The following PSD3 variants were observed in gnomAD, a reference collection of about 807,000 sequenced individuals.
PSD3 encodes PH and SEC7 domain-containing protein 3.
A neutral mutation model predicts 105.5 loss-of-function variants in PSD3; 49 were observed. The observed-to-expected ratio is 0.46, with a 90% CI of 0.37 to 0.59. The LOEUF (loss-of-function observed/expected upper bound fraction) is 0.59, where lower values mean the gene tolerates loss of function less well. PSD3 is among the 20% of genes least tolerant of loss of function. The probability of loss-of-function intolerance (pLI) is 0.00; values close to 1 mark genes in which losing one functional copy is unlikely to be tolerated. For missense variants in PSD3, 1,561 were observed against 1,263.8 expected (o/e 1.24, Z -3.57); for synonymous variants, 557 against 457.8 (o/e 1.22, Z -2.77).
At chr8:18,613,664 G>A (rs1281789848) in intron 11 of PSD3, among the ~76,000 whole-genome samples, 1 of 152,124 alleles carries the variant, frequency 6.6e-6, no homozygotes, top group Non-Finnish European at 1.5e-5. Context: ...CTTCACTTCA[G>A]TTAGGTCTCT....
At chr8:18,742,603 T>C (rs1804662463) in intron 9 of PSD3, among the ~76,000 whole-genome samples, 1 of 152,232 alleles carries the variant, frequency 6.6e-6, no homozygotes, top group African/African-American at 2.4e-5. Flanking sequence ...CGGATCCCCC[T>C]GTAACTCAGT....
At chr8:18,728,033 CTGAA>C (rs1256514442) in intron 9 of PSD3, among the ~76,000 whole-genome samples, 2 of 151,118 alleles carry the variant, frequency 1.3e-5, no homozygotes, top group African/African-American at 4.9e-5. Context: ...TAAATATTTG[CTGAA>C]TGAATGAATG....
intron 4 of PSD3, among the ~76,000 whole-genome samples, chr8:18,815,269 CTATTGGTA>C (rs541623809): frequency 1.3e-5 from 2 of 152,124 alleles, no homozygotes; most frequent in African/African-American, 2.4e-5. Context: ...TTTACCATCT[CTATTGGTA>C]TATTCTGCCC....
rs566242465 is a variant in PSD3 at position 18,650,869 on chromosome 8, T to C, written c.2216+4773A>G. Among the ~76,000 whole-genome samples the C allele has an allele frequency of 1.2e-3, 182 of 152,288 alleles. 1 individual carries two copies. Among genetic ancestry groups the C allele is most frequent in the African/African-American group, 4.3e-3 (177 of 41,566 alleles). On this transcript the variant is annotated intron_variant, in intron 10 of 15. Coordinates refer to ENST00000327040, the MANE Select transcript of PSD3 (RefSeq NM_015310.4). ...CTCACTCTCTGCTCTTCAAAGACTT[T>C]ATAAGACGGGGTGGCTACAGAGATG...
At chr8:18,952,651 T>C (rs981079762) in intron 1 of PSD3, among the ~76,000 whole-genome samples, 3 of 152,222 alleles carry the variant, frequency 2.0e-5, no homozygotes, top group East Asian at 1.9e-4. Flanking sequence ...AACAGTTCCA[T>C]TATTTAGAGC....
At chr8:18,765,967 CA>C (rs57448100) in intron 8 of PSD3, among the ~76,000 whole-genome samples, 16 of 141,042 alleles carry the variant, frequency 1.1e-4, no homozygotes, top group East Asian at 6.3e-4. Context: ...GACTCCATCT[CA>C]AAAAAAAAAA....
At chr8:18,750,325 T>C (rs538709247) in intron 9 of PSD3, among the ~76,000 whole-genome samples, 3 of 152,016 alleles carry the variant, frequency 2.0e-5, no homozygotes, top group South Asian at 4.2e-4. Context: ...TTCCTTCTGG[T>C]GGGTTCGTGG....
At chr8:18,632,266 T>C (rs1232312659) in intron 11 of PSD3, among the ~76,000 whole-genome samples, 5 of 152,186 alleles carry the variant, frequency 3.3e-5, no homozygotes, top group African/African-American at 4.8e-5. Flanking sequence ...AAATGTAAAC[T>C]TCATGAAGAC....
intron 1 of PSD3, among the ~76,000 whole-genome samples, chr8:18,974,273 T>C (rs940295330): frequency 3.3e-5 from 5 of 152,186 alleles, no homozygotes; most frequent in African/African-American, 1.2e-4. Flanking sequence ...ACTAAAAACA[T>C]GTGGGGAACA....
At chr8:18,632,218 C>A (rs1806951387) in intron 11 of PSD3, among the ~76,000 whole-genome samples, 2 of 152,084 alleles carry the variant, frequency 1.3e-5, no homozygotes, top group Non-Finnish European at 2.9e-5. Flanking sequence ...ATTAATTTTT[C>A]TATGCGTTGC....
At chr8:18,621,790 T>C (rs1010322138) in intron 11 of PSD3, among the ~76,000 whole-genome samples, 1 of 152,192 alleles carries the variant, frequency 6.6e-6, no homozygotes, top group Non-Finnish European at 1.5e-5. Context: ...TTGCCTGTAC[T>C]TAAAGAGTCT....
At chr8:18,791,854 T>C (rs1286098036) in intron 8 of PSD3, among the ~76,000 whole-genome samples, 1 of 152,162 alleles carries the variant, frequency 6.6e-6, no homozygotes, top group African/African-American at 2.4e-5. Flanking sequence ...ACCCGGCACC[T>C]ACAAGGAATT....
chr8:19,083,522 C>G (rs1001629127), intron 1 of PSD3, among the ~76,000 whole-genome samples: 4 of 152,230 alleles, frequency 2.6e-5, no homozygotes, highest in Non-Finnish European at 5.9e-5. Flanking sequence ...GCTCCTGTCC[C>G]AGGCTGCACA....
chr8:19,067,191 G>C (rs1829102221), intron 1 of PSD3, among the ~76,000 whole-genome samples: 1 of 152,206 alleles, frequency 6.6e-6, no homozygotes, highest in South Asian at 2.1e-4. Context: ...GCCTTCGTTT[G>C]TGAGACAAGT....
At chr8:19,071,086 G>A (rs575784091) in intron 1 of PSD3, among the ~76,000 whole-genome samples, 253 of 151,780 alleles carry the variant, frequency 1.7e-3, no homozygotes, top group African/African-American at 5.9e-3. Flanking sequence ...GGGGGTTGGA[G>A]TCTTGTACTG....
chr8:19,013,904 C>CG (rs1156927655), upstream of PSD3, among the ~76,000 whole-genome samples: 1 of 65,352 alleles, frequency 1.5e-5, no homozygotes, highest in Non-Finnish European at 3.4e-5. Flanking sequence ...GCCTCCGAGG[C>CG]GGGGGCGGGG....
intron 9 of PSD3, among the ~76,000 whole-genome samples, chr8:18,666,278 T>C (rs1280403652): frequency 6.6e-6 from 1 of 152,218 alleles, no homozygotes; most frequent in African/African-American, 2.4e-5. Flanking sequence ...CTTGAACTCC[T>C]GACCTCAGGT....
chr8:18,760,710 T>G (rs532206447), intron 9 of PSD3, among the ~76,000 whole-genome samples: 1 of 152,294 alleles, frequency 6.6e-6, no homozygotes, highest in South Asian at 2.1e-4. Flanking sequence ...AGTGAAGAGT[T>G]TCAGAAATAT....
chr8:18,955,965 A>T (rs1211987703), intron 1 of PSD3, among the ~76,000 whole-genome samples: 1 of 151,742 alleles, frequency 6.6e-6, no homozygotes, highest in Non-Finnish European at 1.5e-5. Context: ...AATGAGTTTC[A>T]CCATGTTGGC....
Sources: gnomAD v4.1 joint callset for allele counts (sites outside exome capture counted in the v4.1 genomes callset) on GRCh38, gnomAD v4.1.1 for gene constraint, MANE v1.5 for transcripts, NCBI Gene and HGNC (gene_info 2026-07-23, HGNC 2026-07-21) for gene names.